PGCKA1: variants seen among roughly 807,000 people sequenced by gnomAD.
The protein encoded by PGCKA1 is PDCD10 and GCKIII kinases-associated protein 1.
the PGCKA1 span, among the ~76,000 whole-genome samples, chr4:37,562,304 ACAC>A: frequency 6.6e-6 from 1 of 152,236 alleles, no homozygotes; most frequent in Non-Finnish European, 1.5e-5. Context: ...ATATCGATGA[ACAC>A]CAGGTACATA....
the PGCKA1 span, among the ~76,000 whole-genome samples, chr4:37,474,233 T>C: frequency 6.6e-6 from 1 of 152,162 alleles, no homozygotes; most frequent in Non-Finnish European, 1.5e-5. Context: ...CTGGCCCTCT[T>C]CCCTTCTTTC....
At chr4:37,488,863 C>A in the PGCKA1 span, among the ~76,000 whole-genome samples, 2 of 152,164 alleles carry the variant, frequency 1.3e-5, no homozygotes, top group African/African-American at 4.8e-5. Flanking sequence ...CTTAGTCCTC[C>A]AGTTGACCCT....
At chr4:37,453,351 T>C in the PGCKA1 span, among the ~76,000 whole-genome samples, 1 of 152,052 alleles carries the variant, frequency 6.6e-6, no homozygotes, top group African/African-American at 2.4e-5. Context: ...CAGGAGTTCA[T>C]TGAACTCCCC....
the PGCKA1 span, among the ~76,000 whole-genome samples, chr4:37,538,499 G>A: frequency 2.0e-5 from 3 of 152,350 alleles, no homozygotes; most frequent in East Asian, 5.8e-4. Flanking sequence ...CACCTGGGAA[G>A]AGCTTGTGCT....
At chr4:37,497,803 G>T in the PGCKA1 span, among the ~76,000 whole-genome samples, 2 of 152,118 alleles carry the variant, frequency 1.3e-5, no homozygotes, top group Non-Finnish European at 2.9e-5. Context: ...TATATAGATT[G>T]TGAAGATTTT....
chr4:37,487,410 C>G, the PGCKA1 span, among the ~76,000 whole-genome samples: 3 of 152,156 alleles, frequency 2.0e-5, no homozygotes, highest in Non-Finnish European at 4.4e-5. Context: ...GAGCAAGTTG[C>G]AAACATCAGT....
chr4:37,549,304 A>G, the PGCKA1 span, among the ~76,000 whole-genome samples: 10 of 152,180 alleles, frequency 6.6e-5, no homozygotes, highest in African/African-American at 2.2e-4. Flanking sequence ...CTTTAGTCCA[A>G]TTGCCTATCC....
At chr4:37,549,933 A>G in the PGCKA1 span, among the ~76,000 whole-genome samples, 1 of 152,168 alleles carries the variant, frequency 6.6e-6, no homozygotes, top group Non-Finnish European at 1.5e-5. Flanking sequence ...TATTTTCCTT[A>G]AAATTTAGAC....
chr4:37,497,408 A>G, the PGCKA1 span, among the ~76,000 whole-genome samples: 1 of 152,182 alleles, frequency 6.6e-6, no homozygotes, highest in Non-Finnish European at 1.5e-5. Flanking sequence ...GTGTGCAAGT[A>G]TCTTTTTCGA....
the PGCKA1 span, among the ~76,000 whole-genome samples, chr4:37,491,649 C>T: frequency 1.3e-5 from 2 of 152,094 alleles, no homozygotes; most frequent in Admixed American, 6.5e-5. Context: ...AATGATATCC[C>T]TTGGTGTGAG....
At chr4:37,563,464 G>T in the PGCKA1 span, among the ~76,000 whole-genome samples, 74,158 of 151,338 alleles carry the variant, frequency 0.49, 18,637 homozygotes, top group East Asian at 0.67. Context: ...AGGAGGGAGT[G>T]CTCTCTCTCC....
At chr4:37,458,295 A>G in the PGCKA1 span, among the ~76,000 whole-genome samples, 2 of 152,216 alleles carry the variant, frequency 1.3e-5, no homozygotes, top group Non-Finnish European at 2.9e-5. Flanking sequence ...AACTCATTCT[A>G]TATTAAGTAT....
chr4:37,541,925 T>C, the PGCKA1 span, among the ~76,000 whole-genome samples: 6 of 152,138 alleles, frequency 3.9e-5, no homozygotes, highest in African/African-American at 1.4e-4. Context: ...TATAACCACA[T>C]TGCCCAGTGG....
the PGCKA1 span, among the ~76,000 whole-genome samples, chr4:37,550,090 GTTTGTATAATAACAC>G: frequency 2.6e-5 from 4 of 152,240 alleles, no homozygotes; most frequent in Admixed American, 6.5e-5. Flanking sequence ...AAAGGAACCT[GTTTGTATAATAACAC>G]TCAGTACCAA....
At chr4:37,590,933 C>T in the PGCKA1 span, 43 of 1,614,132 alleles carry the variant, frequency 2.7e-5, no homozygotes, top group East Asian at 2.7e-4. Flanking sequence ...GAGGATGCAG[C>T]GGTGGCGGAG....
chr4:37,577,949 CT>C, the PGCKA1 span, among the ~76,000 whole-genome samples: 2 of 152,200 alleles, frequency 1.3e-5, no homozygotes, highest in Admixed American at 1.3e-4. Flanking sequence ...TGTTTTAAGA[CT>C]TGTTTTGTGA....
chr4:37,516,002 C>T, the PGCKA1 span, among the ~76,000 whole-genome samples: 2 of 152,080 alleles, frequency 1.3e-5, no homozygotes, highest in Non-Finnish European at 2.9e-5. Flanking sequence ...ATATAAAATG[C>T]CTTTTTCAAG....
At chr4:37,561,430 G>A in the PGCKA1 span, among the ~76,000 whole-genome samples, 175 of 152,298 alleles carry the variant, frequency 1.1e-3, no homozygotes, top group African/African-American at 4.0e-3. Context: ...GAATAACAGG[G>A]TTTAAAACTG....
chr4:37,544,352 G>T, the PGCKA1 span, among the ~76,000 whole-genome samples: 8 of 152,224 alleles, frequency 5.3e-5, no homozygotes, highest in African/African-American at 1.9e-4. Flanking sequence ...TCACTGGGCA[G>T]TTGGTGAGTC....
Sources: allele counts gnomAD v4.1 joint callset (sites outside exome capture counted in the v4.1 genomes callset), GRCh38; gene constraint gnomAD v4.1.1; transcripts MANE v1.5; gene names NCBI Gene and HGNC (gene_info 2026-07-23, HGNC 2026-07-21).